Variants in ALMS1 observed in about 807,000 individuals in gnomAD.
ALMS1 encodes the protein ALMS1 centrosome and basal body associated protein.
Under a neutral mutation model 352.2 loss-of-function variants are expected in ALMS1, and 271 were observed. That is an observed-to-expected ratio of 0.77 (90% CI 0.70 to 0.85). The LOEUF (loss-of-function observed/expected upper bound fraction) is 0.85, where lower values mean the gene tolerates loss of function less well. ALMS1 is among the 40% of genes least tolerant of loss of function. The pLI, the probability that ALMS1 is intolerant of heterozygous loss-of-function variation, is 0.00. For synonymous variants in ALMS1, 1,865 were observed against 1,761.2 expected (o/e 1.06, Z -1.48); for missense variants, 5,445 against 4,870.7 (o/e 1.12, Z -3.51).
At chr2:73,386,223 G>C in intron 1 of ALMS1, 31 bp downstream of exon 1, 1 of 1,486,226 alleles carries the variant, frequency 6.7e-7, no homozygotes, top group South Asian at 1.3e-5. Context: ...GTGTGGAGCC[G>C]CGGCGAGTTG....
At chr2:73,462,591 C>T (rs893602626) in intron 9 of ALMS1, among the ~76,000 whole-genome samples, 3 of 152,120 alleles carry the variant, frequency 2.0e-5, no homozygotes, top group African/African-American at 7.2e-5. Context: ...GACAGGACCA[C>T]ATTCACACAT....
rs1412957434 is a variant in ALMS1 at position 73,559,077 on chromosome 2, G to C, written c.10319G>C (p.Arg3440Thr). 2 of 1,613,876 alleles carry C rather than the reference G, an allele frequency of 1.2e-6. No individual in the cohort carries two copies. Among genetic ancestry groups the C allele is most frequent in the East Asian group, 4.5e-5 (2 of 44,870 alleles). ...KAITQKEEIH[R>T]KKTVPEEAWP... Reference sequence around the variant, plus strand: ...ATTACACAGAAAGAGGAGATCCATAGGAAGAAGACAGTTCCCGAGGAAGCC... The same window carrying C: ...ATTACACAGAAAGAGGAGATCCATACGAAGAAGACAGTTCCCGAGGAAGCC... The change falls in exon 15 of 23, where the codon AGG (arginine) becomes ACG (threonine). Residue 3440 changes from arginine to threonine, a missense_variant. Arg to Thr is a moderately conservative substitution (Grantham distance 71). Transcript: ENST00000613296.
chr2:73,414,822 G>A (rs912313852), intron 2 of ALMS1, among the ~76,000 whole-genome samples: 21 of 151,838 alleles, frequency 1.4e-4, no homozygotes, highest in African/African-American at 4.1e-4. Flanking sequence ...ACCCAAGTAT[G>A]ACTCAAATGT....
chr2:73,518,840 G>A (rs1673613092), intron 10 of ALMS1, among the ~76,000 whole-genome samples: 1 of 152,108 alleles, frequency 6.6e-6, no homozygotes, highest in Non-Finnish European at 1.5e-5. Flanking sequence ...CAGATGCATA[G>A]TTTGCAAATA....
chr2:73,536,680 CATT>C (rs1045310948), intron 12 of ALMS1, among the ~76,000 whole-genome samples: 34 of 152,236 alleles, frequency 2.2e-4, no homozygotes, highest in African/African-American at 8.2e-4. Context: ...AGACATACAT[CATT>C]GTTAGCAAAT....
intron 9 of ALMS1, chr2:73,456,810 T>C (rs1672076082): frequency 6.6e-6 from 1 of 152,224 alleles, no homozygotes; most frequent in Non-Finnish European, 1.5e-5. Flanking sequence ...GCTGCCAAAG[T>C]GAGCACTATC....
At chr2:73,540,537 T>C (rs2104005679) in intron 12 of ALMS1, among the ~76,000 whole-genome samples, 1 of 152,296 alleles carries the variant, frequency 6.6e-6, no homozygotes, top group African/African-American at 2.4e-5. Context: ...TAATCTTAAA[T>C]GTAAATGGAC....
intron 1 of ALMS1, among the ~76,000 whole-genome samples, chr2:73,406,793 T>C (rs1852647): frequency 0.83 from 125,969 of 152,088 alleles, 52,325 homozygotes; most frequent in Non-Finnish European, 0.86. Flanking sequence ...GCCTGACTAA[T>C]GTTTACATTT....
chr2:73,404,766 T>G (rs1670939749), intron 1 of ALMS1, among the ~76,000 whole-genome samples: 1 of 152,122 alleles, frequency 6.6e-6, no homozygotes, highest in South Asian at 2.1e-4. Flanking sequence ...GGTATCAGGA[T>G]AATGCTGGCC....
At chr2:73,478,488 G>T (rs966273866) in intron 9 of ALMS1, among the ~76,000 whole-genome samples, 1 of 152,086 alleles carries the variant, frequency 6.6e-6, no homozygotes, top group East Asian at 1.9e-4. Flanking sequence ...GCTGGAATAG[G>T]TTTATGTTTC....
chr2:73,488,996 T>C (rs550767092), intron 9 of ALMS1, among the ~76,000 whole-genome samples: 55 of 152,194 alleles, frequency 3.6e-4, no homozygotes, highest in Non-Finnish European at 6.5e-4. Context: ...TTCACGTCAT[T>C]GTTCATGTTA....
In ALMS1 at chr2:73,601,237, C is replaced by G. The variant is rs750924396; in HGVS notation, c.11915C>G (p.Ser3972Ter). 6.2e-7 allele frequency: 1 copy of G among 1,614,146 alleles called. No homozygotes were observed. Among genetic ancestry groups the G allele is most frequent in the South Asian group, 1.1e-5 (1 of 91,046 alleles). ...CCTGTGGAAAATGTGGAGTCTAGATCAAAGAAGGAAAACGTGCCTAACACT... is the reference window on the plus strand; with the variant it reads ...CCTGTGGAAAATGTGGAGTCTAGATGAAAGAAGGAAAACGTGCCTAACACT... ...FVPVENVESR[S>*]KKENVPNTCG... The change falls in exon 19 of 23, where the codon TCA (serine) becomes TGA (stop). Residue 3972 changes from serine to a stop codon, truncating the protein, a stop_gained. Transcript: ENST00000613296. LOFTEE classifies it high-confidence loss of function.
At chr2:73,519,510 A>G (rs1673627625) in intron 10 of ALMS1, among the ~76,000 whole-genome samples, 1 of 152,206 alleles carries the variant, frequency 6.6e-6, no homozygotes, top group South Asian at 2.1e-4. Flanking sequence ...CAGCTGAAAA[A>G]TAGCATTTCC....
At position 73,448,381 on chromosome 2, in the gene ALMS1, C is replaced by T. The variant is rs1327400351; in HGVS notation, c.1854C>T (p.Thr618=). 1.2e-6 allele frequency: 2 copies of T among 1,613,894 alleles called. No homozygotes were observed. The highest frequency in any genetic ancestry group is 1.7e-5 in the Admixed American group (1 of 59,990). The change falls in exon 8 of 23, where the codon ACC becomes ACT. Residue 618 remains threonine, a synonymous_variant. Coordinates refer to ENST00000613296, the MANE Select transcript of ALMS1 (RefSeq NM_001378454.1). The part of the protein sequence containing the change: ...ADQTTGMSTL[T]STSYSHREKP... Reference sequence around the variant, plus strand: ...AGACAACTGGCATGTCAACTCTAACCTCTACTTCCTACTCACATAGAGAGA... The same window carrying T: ...AGACAACTGGCATGTCAACTCTAACTTCTACTTCCTACTCACATAGAGAGA...
chr2:73,564,055 T>G (rs545570146), intron 15 of ALMS1, among the ~76,000 whole-genome samples: 1 of 152,024 alleles, frequency 6.6e-6, no homozygotes, highest in African/African-American at 2.4e-5. Context: ...TGTGTGTGTG[T>G]CTGTGTGTGT....
Position 73,452,614 on chromosome 2 carries a change from T to C in ALMS1, c.6087T>C (p.Thr2029=), listed in dbSNP as rs199967386. 74 of 1,613,960 alleles carry C rather than the reference T, an allele frequency of 4.6e-5. No individual in the cohort carries two copies. Among genetic ancestry groups the C allele is most frequent in the Non-Finnish European group, 5.6e-5 (66 of 1,180,000 alleles). ...YSQIEKPKIS[T]VIGPNDQKTP... ...AAATAGAGAAGCCCAAGATTTCAAC[T>C]GTGATTGGACCAAATGACCAGAAGA... Residue 2029 remains threonine, a synonymous_variant, in exon 8 of 23, where the codon ACT becomes ACC. Coordinates refer to ENST00000613296, the MANE Select transcript of ALMS1 (RefSeq NM_001378454.1).
At chr2:73,494,295 T>G (rs939559704) in intron 10 of ALMS1, among the ~76,000 whole-genome samples, 4 of 152,184 alleles carry the variant, frequency 2.6e-5, no homozygotes, top group Non-Finnish European at 5.9e-5. Flanking sequence ...TTCCACAAGG[T>G]CCTGAATACC....
At chr2:73,464,827 G>A (rs1672293752) in intron 9 of ALMS1, among the ~76,000 whole-genome samples, 1 of 152,166 alleles carries the variant, frequency 6.6e-6, no homozygotes, top group South Asian at 2.1e-4. Context: ...GCCAAATCAT[G>A]AGTGAACTCC....
chr2:73,462,034 G>A (rs1200372632), intron 9 of ALMS1, among the ~76,000 whole-genome samples: 4 of 151,884 alleles, frequency 2.6e-5, no homozygotes, highest in African/African-American at 9.7e-5. Context: ...ACACTCTGCA[G>A]GATATTATCC....
Sources: allele counts gnomAD v4.1 joint callset (sites outside exome capture counted in the v4.1 genomes callset), GRCh38; gene constraint gnomAD v4.1.1; transcripts MANE v1.5; gene names NCBI Gene and HGNC (gene_info 2026-07-23, HGNC 2026-07-21).